PKHD1: variants seen among roughly 807,000 people sequenced by gnomAD.
PKHD1 encodes the protein PKHD1 ciliary IPT domain containing fibrocystin/polyductin.
A neutral mutation model predicts 412.0 loss-of-function variants in PKHD1; 291 were observed. The ratio of observed to expected loss-of-function variants is 0.71; its 90% CI spans 0.64 to 0.78. The LOEUF is 0.78. PKHD1 is among the 30% of genes least tolerant of loss of function. The probability of loss-of-function intolerance (pLI) is 0.00; values close to 1 mark genes in which losing one functional copy is unlikely to be tolerated. For missense variants in PKHD1, 4,825 were observed against 4,950.7 expected, an observed-to-expected ratio of 0.97 and a Z score of 0.76; for synonymous variants, 1,777 against 1,821.5, an observed-to-expected ratio of 0.98 and a Z score of 0.62.
At position 51,646,277 on chromosome 6, in the gene PKHD1, A is replaced by G. The variant is rs570689144; in HGVS notation, c.11398+1754T>C. Among the ~76,000 whole-genome samples the G allele has an allele frequency of 2.6e-3, 397 of 152,326 alleles. 1 individual carries two copies. Among genetic ancestry groups the G allele is most frequent in the African/African-American group, 9.0e-3 (373 of 41,572 alleles). On this transcript the variant is annotated intron_variant, in intron 63 of 66. Coordinates refer to ENST00000371117, the MANE Select transcript of PKHD1 (RefSeq NM_138694.4). ...AATACACAATCCTACCCATAAGCAG[A>G]GGAAGAATTTCAAGGTGCTGTGATA...
At chr6:51,786,001 A>G (rs6926334) in intron 53 of PKHD1, among the ~76,000 whole-genome samples, 21,934 of 152,164 alleles carry the variant, frequency 0.14, 1,729 homozygotes, top group African/African-American at 0.21. Flanking sequence ...CTGTATACTC[A>G]ACATTGTTCA....
intron 60 of PKHD1, among the ~76,000 whole-genome samples, chr6:51,742,419 T>C (rs1784664899): frequency 6.6e-6 from 1 of 152,320 alleles, no homozygotes; most frequent in African/African-American, 2.4e-5. Context: ...AAAAGAATCA[T>C]ATGTAGAAAC....
intron 60 of PKHD1, among the ~76,000 whole-genome samples, chr6:51,709,849 ATT>A (rs10636108): frequency 4.2e-5 from 6 of 142,320 alleles, no homozygotes; most frequent in Non-Finnish European, 4.6e-5. Flanking sequence ...TGCTTTAGTC[ATT>A]TTTTTTTTTT....
intron 35 of PKHD1, among the ~76,000 whole-genome samples, chr6:51,985,779 G>C (rs1358892366): frequency 6.6e-6 from 1 of 151,602 alleles, no homozygotes. Flanking sequence ...TAAGACACAG[G>C]GATATCTTTT....
At chr6:52,038,201 G>A (rs963115004) in intron 27 of PKHD1, among the ~76,000 whole-genome samples, 4 of 152,064 alleles carry the variant, frequency 2.6e-5, no homozygotes, top group Admixed American at 6.6e-5. Flanking sequence ...CCAGCATGGT[G>A]AAACCCTGTC....
chr6:51,793,623 T>G (rs1473925177), intron 52 of PKHD1, among the ~76,000 whole-genome samples: 2 of 152,230 alleles, frequency 1.3e-5, no homozygotes, highest in Admixed American at 1.3e-4. Flanking sequence ...GTATTTTGTT[T>G]TCTGTTCCCG....
In PKHD1 at chr6:51,944,033, C is replaced by T. The variant is rs564309254; in HGVS notation, c.5909-9711G>A. Among the ~76,000 whole-genome samples the T allele has an allele frequency of 1.3e-3, 200 of 152,032 alleles. 2 individuals are homozygous for T. The highest frequency in any genetic ancestry group is 4.6e-3 in the African/African-American group (191 of 41,408). ...GCCATCATATCCCCTGTGACCTGCA[C>T]GTATACATCCAGATGGCCTGAAGTA... is the stretch of plus-strand genomic sequence containing the variant. On this transcript the variant is annotated intron_variant, in intron 36 of 66. Coordinates refer to ENST00000371117, the MANE Select transcript of PKHD1 (RefSeq NM_138694.4).
rs143322944 is a variant in PKHD1 at position 52,024,958 on chromosome 6, T to A, written c.4852A>T (p.Ile1618Phe). 3.1e-6 allele frequency: 5 copies of A among 1,614,074 alleles called. No individual in the cohort carries two copies. The highest frequency in any genetic ancestry group is 1.1e-5 in the South Asian group (1 of 91,088). ...IDQQTCLTVN[I>F]GAELIRCIVP... Reference sequence around the variant, plus strand: ...ATGCACCGGATGAGCTCAGCACCGATGTTCACCGTCAGGCAGGTCTGCTGG... The same window carrying A: ...ATGCACCGGATGAGCTCAGCACCGAAGTTCACCGTCAGGCAGGTCTGCTGG... The change falls in exon 32 of 67, where the codon ATC becomes TTC. Residue 1618 changes from isoleucine to phenylalanine, a missense_variant. Coordinates refer to ENST00000371117, the MANE Select transcript of PKHD1 (RefSeq NM_138694.4).
intron 36 of PKHD1, among the ~76,000 whole-genome samples, chr6:51,935,253 T>A (rs554264703): frequency 2.8e-4 from 43 of 152,350 alleles, no homozygotes; most frequent in African/African-American, 1.0e-3. Flanking sequence ...AAATTTTCAG[T>A]AACACAAGAA....
intron 52 of PKHD1, among the ~76,000 whole-genome samples, chr6:51,802,663 A>C (rs1763115244): frequency 6.6e-6 from 1 of 151,608 alleles, no homozygotes; most frequent in South Asian, 2.1e-4. Flanking sequence ...GAATAGAAAA[A>C]TATGAATATC....
At chr6:51,622,904 C>A (rs1007374246) in intron 66 of PKHD1, 8 of 151,974 alleles carry the variant, frequency 5.3e-5, no homozygotes, top group Non-Finnish European at 1.0e-4. Context: ...TTTATTTTCT[C>A]TTTTATTATA....
intron 50 of PKHD1, among the ~76,000 whole-genome samples, chr6:51,841,306 G>C (rs1770142645): frequency 6.6e-6 from 1 of 152,238 alleles, no homozygotes. Context: ...ACTCAGCATT[G>C]CGGAGCATTA....
intron 47 of PKHD1, among the ~76,000 whole-genome samples, chr6:51,869,616 T>G (rs562607167): frequency 6.6e-6 from 1 of 152,122 alleles, no homozygotes; most frequent in South Asian, 2.1e-4. Flanking sequence ...AGTAGTGTGA[T>G]TTTTTTTCAC....
Position 51,777,679 on chromosome 6 carries a change from GAAAAAAAAAAAAAAAA to G in PKHD1, c.8441-1774_8441-1759del, listed in dbSNP as rs59379021. On this transcript the variant is annotated intron_variant, in intron 53 of 66. Coordinates refer to ENST00000371117, the MANE Select transcript of PKHD1 (RefSeq NM_138694.4). ...ACGGAGGGTAGTTTAGAGTCTTTGGGAAAAAAAAAAAAAAAAAAAAAAAAAAAAAAAAAAGTGGCCT... is the reference window on the plus strand; with the variant it reads ...ACGGAGGGTAGTTTAGAGTCTTTGGGAAAAAAAAAAAAAAAAAAGTGGCCT... Among the ~76,000 whole-genome samples the G allele has an allele frequency of 9.8e-4, 117 of 118,802 alleles. 2 individuals are homozygous for G. The highest frequency in any genetic ancestry group is 3.5e-3 in the African/African-American group (102 of 29,250). 77.9% of individuals were successfully genotyped at this position (118,802 alleles called of 152,430 possible).
At chr6:51,767,825 T>C (rs1789377947) in intron 55 of PKHD1, among the ~76,000 whole-genome samples, 1 of 152,244 alleles carries the variant, frequency 6.6e-6, no homozygotes, top group African/African-American at 2.4e-5. Context: ...CCTTTGATTA[T>C]ATACCCAGTA....
intron 27 of PKHD1, 118 bp downstream of exon 27, chr6:52,042,741 A>G: frequency 1.1e-6 from 1 of 933,684 alleles, no homozygotes; most frequent in Non-Finnish European, 1.7e-6. Context: ...ATGTCAGTAA[A>G]CAAAAGACAG....
At chr6:51,953,286 C>T (rs1050093893) in intron 36 of PKHD1, among the ~76,000 whole-genome samples, 1 of 152,146 alleles carries the variant, frequency 6.6e-6, no homozygotes, top group Non-Finnish European at 1.5e-5. Flanking sequence ...AGATATTCTA[C>T]AGTTAGAGAA....
chr6:51,655,117 C>G (rs1431647947), intron 61 of PKHD1, among the ~76,000 whole-genome samples: 1 of 152,052 alleles, frequency 6.6e-6, no homozygotes, highest in African/African-American at 2.4e-5. Flanking sequence ...TGTAAAAACA[C>G]TCTTTAATGG....
At chr6:52,048,470 GC>G in intron 23 of PKHD1, 21 bp downstream of exon 23, 1 of 1,612,978 alleles carries the variant, frequency 6.2e-7, no homozygotes, top group Non-Finnish European at 8.5e-7. Flanking sequence ...GAGAATTGTT[GC>G]AACCCCAATC....
Sources: gnomAD v4.1 joint callset for allele counts (sites outside exome capture counted in the v4.1 genomes callset) on GRCh38, gnomAD v4.1.1 for gene constraint, MANE v1.5 for transcripts, NCBI Gene and HGNC (gene_info 2026-07-23, HGNC 2026-07-21) for gene names.